Variants in RERE observed in about 807,000 individuals in gnomAD.
RERE encodes arginine-glutamic acid dipeptide repeats.
RERE carries 40 observed loss-of-function variants against 146.1 expected under a neutral mutation model. The observed-to-expected ratio is 0.27, with a 90% confidence interval of 0.21 to 0.36. The LOEUF is 0.36. RERE is among the 10% of genes least tolerant of loss of function. The pLI is 1.00. For missense variants in RERE, 1,933 were observed against 2,138.7 expected, an observed-to-expected ratio of 0.90 and a Z score of 1.90; for synonymous variants, 1,003 against 866.0, an observed-to-expected ratio of 1.16 and a Z score of -2.78.
chr1:8,388,381 G>A (rs542758628), intron 12 of RERE, among the ~76,000 whole-genome samples: 15 of 151,908 alleles, frequency 9.9e-5, no homozygotes, highest in Admixed American at 3.3e-4. Context: ...CTGCAGTGGC[G>A]CAATCTCGGC....
chr1:8,514,744 G>C (rs989469984), intron 7 of RERE, among the ~76,000 whole-genome samples: 2 of 150,960 alleles, frequency 1.3e-5, no homozygotes, highest in Non-Finnish European at 3.0e-5. Flanking sequence ...AAAAAAGAAA[G>C]AAAAGAAAAG....
intron 4 of RERE, among the ~76,000 whole-genome samples, chr1:8,609,374 G>A (rs1646763310): frequency 6.6e-6 from 1 of 152,190 alleles, no homozygotes; most frequent in Non-Finnish European, 1.5e-5. Flanking sequence ...GGTGCTTTCA[G>A]AACTTTCTTA....
In RERE at chr1:8,502,330, G is replaced by GGGT. The variant is rs1414274281; in HGVS notation, c.880-4804_880-4802dup. The stretch of plus-strand genomic sequence containing the variant: ...GCCTGGCGAGCCGCCCCGTCCGGGA[G>GGGT]GGTGGTGGGGGGGTCAGCCCCCCGC... On this transcript the variant is annotated intron_variant, in intron 8 of 22. Transcript: ENST00000400908. Among the ~76,000 whole-genome samples, 77 of 117,276 alleles carry GGGT rather than the reference G, an allele frequency of 6.6e-4. 1 individual carries two copies. The highest frequency in any genetic ancestry group is 2.6e-3 in the African/African-American group (73 of 27,794). The allele number at this position is 117,276 out of a possible 152,430, so 76.9% of individuals were successfully genotyped here. A position where few individuals can be genotyped will look rare whatever the true frequency, so the allele number is the denominator to read the frequency against.
rs1641220168 is a variant in RERE, at chr1:8,354,683, A to C, written c.*404T>G. On this transcript the variant is annotated 3_prime_UTR_variant, in exon 23 of 23. Transcript: ENST00000400908. ...CCAAATTCCTATGCCCCCGATCTGC[A>C]AGCCTCGTGGGCTCTGGAGCACTCG... is the stretch of plus-strand genomic sequence containing the variant. The C allele has an allele frequency of 5.6e-6, 1 of 177,112 alleles. No individual in the cohort carries two copies. The highest frequency in any genetic ancestry group is 1.2e-5 in the Non-Finnish European group (1 of 84,902). 11.0% of individuals were successfully genotyped at this position (177,112 alleles called of 1,614,324 possible).
rs761910550 is a variant in RERE at position 8,361,884 on chromosome 1, G to A, written c.1903-8C>T. 1.2e-6 allele frequency: 2 copies of A among 1,603,710 alleles called. No homozygotes were observed. Among genetic ancestry groups the A allele is most frequent in the African/African-American group, 2.7e-5 (2 of 74,700 alleles). On this transcript the variant is annotated splice_region_variant and splice_polypyrimidine_tract_variant and intron_variant, in intron 16 of 22. Coordinates refer to ENST00000400908, the MANE Select transcript of RERE (RefSeq NM_001042681.2). ...GGCTTCCTCCTTCACCTTCTGCAGGGGAAAAGCCCACAAGGAGCAATCAGG... is the reference window on the plus strand; with the variant it reads ...GGCTTCCTCCTTCACCTTCTGCAGGAGAAAAGCCCACAAGGAGCAATCAGG...
chr1:8,415,003 T>G lies in RERE; in HGVS notation c.1284+7724A>C, dbSNP rs1368604176. Among the ~76,000 whole-genome samples the G allele has an allele frequency of 2.0e-5, 3 of 152,330 alleles. No homozygotes were observed. The East Asian group carries it at 5.8e-4, about 29-fold the overall frequency. ...TATTACTCAAGGGTATAGTTTCAAA[T>G]AAGATTAAAAATGAACTAGTTATTC... is the stretch of plus-strand genomic sequence containing the variant. On this transcript the variant is annotated intron_variant, in intron 12 of 22. Coordinates refer to ENST00000400908, the MANE Select transcript of RERE (RefSeq NM_001042681.2).
At chr1:8,414,942 A>C (rs909182575) in intron 12 of RERE, among the ~76,000 whole-genome samples, 4 of 152,198 alleles carry the variant, frequency 2.6e-5, no homozygotes, top group African/African-American at 9.6e-5. Context: ...TTACTTTTCA[A>C]AACAATACTA....
At chr1:8,590,588 T>C (rs1646480563) in intron 4 of RERE, among the ~76,000 whole-genome samples, 1 of 152,190 alleles carries the variant, frequency 6.6e-6, no homozygotes. Flanking sequence ...GCCAAGTTAG[T>C]GCCTCTGGTA....
At position 8,552,305 on chromosome 1, in the gene RERE, T is replaced by C. The variant is rs77740660; in HGVS notation, c.725+4170A>G. Among the ~76,000 whole-genome samples, 1,220 of 152,336 alleles carry C rather than the reference T, an allele frequency of 8.0e-3. 13 individuals are homozygous for C. The highest frequency in any genetic ancestry group is 0.028 in the African/African-American group (1,164 of 41,560). ...ATACATCAGTTTCCTCCTGAGTGAATGGAATGGCAAGAGCCCCCTCAGAGT... is the reference window on the plus strand; with the variant it reads ...ATACATCAGTTTCCTCCTGAGTGAACGGAATGGCAAGAGCCCCCTCAGAGT... On this transcript the variant is annotated intron_variant, in intron 6 of 22. Coordinates refer to ENST00000400908, the MANE Select transcript of RERE (RefSeq NM_001042681.2).
At chr1:8,457,624 A>G (rs1447395892) in intron 11 of RERE, among the ~76,000 whole-genome samples, 4 of 151,856 alleles carry the variant, frequency 2.6e-5, no homozygotes, top group Admixed American at 2.6e-4. Context: ...TTTTTTTGAG[A>G]CAGAGTCTTG....
chr1:8,531,338 T>C (rs61783642), intron 7 of RERE, among the ~76,000 whole-genome samples: 93,255 of 151,514 alleles, frequency 0.62, 29,084 homozygotes, highest in East Asian at 0.83. Flanking sequence ...AGCTACTCAG[T>C]AGTCTGAAGT....
chr1:8,567,995 G>A (rs1646172537), intron 4 of RERE, among the ~76,000 whole-genome samples: 1 of 152,228 alleles, frequency 6.6e-6, no homozygotes, highest in Non-Finnish European at 1.5e-5. Flanking sequence ...CATCTAGATA[G>A]TTGGTAAAGC....
At chr1:8,785,210 C>T (rs752518658) in intron 1 of RERE, among the ~76,000 whole-genome samples, 25 of 152,230 alleles carry the variant, frequency 1.6e-4, no homozygotes, top group Non-Finnish European at 2.1e-4. Flanking sequence ...AACCATAAAG[C>T]GTAACAATGA....
intron 1 of RERE, among the ~76,000 whole-genome samples, chr1:8,742,240 T>A (rs550613227): frequency 2.0e-5 from 3 of 152,238 alleles, no homozygotes; most frequent in South Asian, 4.2e-4. Flanking sequence ...AGTTCTAGAG[T>A]CATTATGCAA....
intron 2 of RERE, among the ~76,000 whole-genome samples, chr1:8,649,329 G>C (rs1472615329): frequency 2.0e-5 from 3 of 152,064 alleles, no homozygotes; most frequent in African/African-American, 7.2e-5. Context: ...TCATTCATTG[G>C]GAAGTAATAC....
intron 12 of RERE, among the ~76,000 whole-genome samples, chr1:8,401,270 G>A (rs1036624196): frequency 1.3e-5 from 2 of 151,206 alleles, no homozygotes; most frequent in African/African-American, 2.4e-5. Context: ...GGCCAAGACA[G>A]TATCTCCCAC....
intron 7 of RERE, among the ~76,000 whole-genome samples, chr1:8,525,476 T>C (rs1570390939): frequency 6.6e-6 from 1 of 152,054 alleles, no homozygotes; most frequent in Non-Finnish European, 1.5e-5. Context: ...ACGACTGAGG[T>C]TAAGATTATA....
At chr1:8,407,870 A>G (rs1414954197) in intron 12 of RERE, among the ~76,000 whole-genome samples, 1 of 152,212 alleles carries the variant, frequency 6.6e-6, no homozygotes, top group African/African-American at 2.4e-5. Flanking sequence ...GCGGCTCTCA[A>G]GGCCTTGCCC....
At chr1:8,644,933 GTTAT>G (rs1647250336) in intron 2 of RERE, among the ~76,000 whole-genome samples, 1 of 152,120 alleles carries the variant, frequency 6.6e-6, no homozygotes, top group Admixed American at 6.6e-5. Flanking sequence ...TTCCACACAG[GTTAT>G]TTGTTTTTTG....
Sources: allele counts gnomAD v4.1 joint callset (sites outside exome capture counted in the v4.1 genomes callset), GRCh38; gene constraint gnomAD v4.1.1; transcripts MANE v1.5; gene names NCBI Gene and HGNC (gene_info 2026-07-23, HGNC 2026-07-21).